Variants in CHRNA7 observed in about 807,000 individuals in gnomAD.
CHRNA7 encodes the protein cholinergic receptor nicotinic alpha 7 subunit, also known as neuronal acetylcholine receptor subunit alpha-7.
CHRNA7 carries 17 observed loss-of-function variants against 48.0 expected under a neutral mutation model. That is an observed-to-expected ratio of 0.35 (90% CI 0.24 to 0.53). The LOEUF (loss-of-function observed/expected upper bound fraction) is 0.53, where lower values mean the gene tolerates loss of function less well. Ranked by LOEUF, CHRNA7 falls within the 20% of genes least tolerant of loss-of-function variation. The pLI, the probability that CHRNA7 is intolerant of heterozygous loss-of-function variation, is 0.92. For missense variants in CHRNA7, 155 were observed against 577.7 expected (o/e 0.27, Z 7.50); for synonymous variants, 75 against 242.3 (o/e 0.31, Z 6.41).
intron 2 of CHRNA7, among the ~76,000 whole-genome samples, chr15:32,085,125 G>A (rs1204296581): frequency 1.3e-5 from 2 of 152,010 alleles, no homozygotes; most frequent in East Asian, 1.9e-4. Flanking sequence ...CACTGCACCC[G>A]GCCTCCCCCT....
intron 3 of CHRNA7, among the ~76,000 whole-genome samples, chr15:32,107,434 A>G (rs2050689018): frequency 6.6e-6 from 1 of 150,426 alleles, no homozygotes; most frequent in South Asian, 2.1e-4. Context: ...TAAATAATAT[A>G]CAAACTTATT....
At chr15:32,048,317 G>C (rs182060870) in intron 2 of CHRNA7, among the ~76,000 whole-genome samples, 2 of 152,166 alleles carry the variant, frequency 1.3e-5, no homozygotes, top group African/African-American at 4.8e-5. Context: ...TTTCTGGTTG[G>C]TAAGCTATTG....
At chr15:32,049,278 T>A (rs1282768159) in intron 2 of CHRNA7, among the ~76,000 whole-genome samples, 1 of 152,022 alleles carries the variant, frequency 6.6e-6, no homozygotes, top group African/African-American at 2.4e-5. Flanking sequence ...TGTGTGGCAG[T>A]CTAAGTCTCT....
intron 2 of CHRNA7, among the ~76,000 whole-genome samples, chr15:32,074,121 T>C (rs1281560962): frequency 6.6e-6 from 1 of 151,690 alleles, no homozygotes; most frequent in African/African-American, 2.4e-5. Context: ...CATATGCTCA[T>C]TGCTGGTGTA....
intron 4 of CHRNA7, among the ~76,000 whole-genome samples, chr15:32,145,730 G>A (rs1489605180): frequency 6.6e-5 from 10 of 152,206 alleles, no homozygotes; most frequent in Non-Finnish European, 1.5e-4. Context: ...CACTGGGCCA[G>A]GCACAGGAGG....
At chr15:32,134,896 C>G (rs1047649747) in intron 4 of CHRNA7, among the ~76,000 whole-genome samples, 11 of 152,190 alleles carry the variant, frequency 7.2e-5, no homozygotes, top group African/African-American at 2.7e-4. Flanking sequence ...AGGCAGTTTC[C>G]TGCGTGAATC....
intron 2 of CHRNA7, among the ~76,000 whole-genome samples, chr15:32,090,761 A>T (rs1408397702): frequency 2.0e-5 from 3 of 152,026 alleles, no homozygotes; most frequent in Non-Finnish European, 4.4e-5. Context: ...TTATACTTAT[A>T]TTTTTGAGGA....
At position 32,112,473 on chromosome 15, in the gene CHRNA7, G is replaced by A. The variant is rs143775624; in HGVS notation, c.350+574G>A. On this transcript the variant is annotated intron_variant, in intron 4 of 9. Coordinates refer to ENST00000306901, the MANE Select transcript of CHRNA7 (RefSeq NM_000746.6). ...GAGGTCAGGAAATAAGGGACACGTC[G>A]GTAAACCAAGACAGTCTGACTTGCA... 6.4e-4 allele frequency: 256 copies of A among 398,414 alleles called. 1 individual carries two copies. The East Asian group carries it at 0.013, about 21-fold the overall frequency. 24.7% of individuals were successfully genotyped at this position (398,414 alleles called of 1,614,324 possible).
At chr15:32,091,568 A>G (rs2050382399) in intron 2 of CHRNA7, among the ~76,000 whole-genome samples, 1 of 152,166 alleles carries the variant, frequency 6.6e-6, no homozygotes, top group Non-Finnish European at 1.5e-5. Context: ...CTCCACTTTC[A>G]GCCCAGAATG....
At chr15:32,052,368 G>A (rs1395561094) in intron 2 of CHRNA7, among the ~76,000 whole-genome samples, 2 of 152,176 alleles carry the variant, frequency 1.3e-5, no homozygotes, top group African/African-American at 4.8e-5. Context: ...CGGAAGTAGG[G>A]AGTGTAGTGG....
At chr15:32,116,388 T>C (rs2050872317) in intron 4 of CHRNA7, among the ~76,000 whole-genome samples, 1 of 152,198 alleles carries the variant, frequency 6.6e-6, no homozygotes, top group African/African-American at 2.4e-5. Context: ...ATTTCCTTGA[T>C]GGGTGGGTAA....
rs1259234051 is a variant in CHRNA7 at position 32,171,958 on chromosome 15, CTAA to C, written c.*3503_*3505del. On this transcript the variant is annotated 3_prime_UTR_variant, in exon 10 of 10. Transcript: ENST00000306901. ...TTTCATTTCTAAAGCATTATTCATACTAATATCAGTATTTTCAAGTCAACACTC... is the reference window on the plus strand; with the variant it reads ...TTTCATTTCTAAAGCATTATTCATACTATCAGTATTTTCAAGTCAACACTC... The C allele has an allele frequency of 9.7e-5, 2 of 20,698 alleles. No homozygotes were observed. The highest frequency in any genetic ancestry group is 2.6e-4 in the Non-Finnish European group (2 of 7,712). 1.3% of individuals were successfully genotyped at this position (20,698 alleles called of 1,614,324 possible). A position where few individuals can be genotyped will look rare whatever the true frequency, so the allele number is the denominator to read the frequency against.
intron 4 of CHRNA7, among the ~76,000 whole-genome samples, chr15:32,123,805 T>A (rs1256892060): frequency 6.6e-6 from 1 of 151,788 alleles, no homozygotes; most frequent in Admixed American, 6.6e-5. Context: ...GTTTGAAGAG[T>A]TGCATTTTTC....
chr15:32,131,469 C>A (rs1172579607), intron 4 of CHRNA7, among the ~76,000 whole-genome samples: 1 of 152,062 alleles, frequency 6.6e-6, no homozygotes, highest in East Asian at 1.9e-4. Flanking sequence ...CTATTGAGCC[C>A]AGCCTACATG....
chr15:32,151,096 G>A (rs990994053), intron 4 of CHRNA7, among the ~76,000 whole-genome samples: 2 of 151,012 alleles, frequency 1.3e-5, no homozygotes, highest in Non-Finnish European at 2.9e-5. Flanking sequence ...TTCAAATCAC[G>A]GCTTTCTCAT....
At chr15:32,148,655 A>G (rs578114307) in intron 4 of CHRNA7, among the ~76,000 whole-genome samples, 2 of 152,326 alleles carry the variant, frequency 1.3e-5, no homozygotes, top group South Asian at 4.1e-4. Flanking sequence ...TTGACGTCTG[A>G]AAGCACAGCT....
At chr15:32,127,143 T>G (rs1417989662) in intron 4 of CHRNA7, among the ~76,000 whole-genome samples, 1 of 152,168 alleles carries the variant, frequency 6.6e-6, no homozygotes, top group Non-Finnish European at 1.5e-5. Context: ...TAATATAGTT[T>G]GTAACCTTTT....
intron 3 of CHRNA7, 76 bp downstream of exon 3, chr15:32,101,423 A>T: frequency 2.0e-6 from 3 of 1,473,158 alleles, no homozygotes; most frequent in Admixed American, 2.4e-5. Context: ...GATACCTGAG[A>T]TGCTTGCTTC....
At chr15:32,114,075 TACAC>T (rs35932128) in intron 4 of CHRNA7, among the ~76,000 whole-genome samples, 6 of 113,138 alleles carry the variant, frequency 5.3e-5, no homozygotes, top group African/African-American at 1.9e-4. Flanking sequence ...TATATATATA[TACAC>T]ATACATACAT....
Sources: gnomAD v4.1 joint callset for allele counts (sites outside exome capture counted in the v4.1 genomes callset) on GRCh38, gnomAD v4.1.1 for gene constraint, MANE v1.5 for transcripts, NCBI Gene and HGNC (gene_info 2026-07-23, HGNC 2026-07-21) for gene names.